The following DGKB variants were observed in gnomAD, a reference collection of about 807,000 sequenced individuals.
The protein encoded by DGKB is diacylglycerol kinase beta, also known as 90 kDa diacylglycerol kinase.
DGKB carries 67 observed loss-of-function variants against 114.3 expected under a neutral mutation model. The ratio of observed to expected loss-of-function variants is 0.59; its 90% CI spans 0.48 to 0.72. The LOEUF is 0.72. Ranked by LOEUF, DGKB falls within the 30% of genes least tolerant of loss-of-function variation. The probability of loss-of-function intolerance (pLI) is 0.00; values close to 1 mark genes in which losing one functional copy is unlikely to be tolerated. For missense variants in DGKB, 907 were observed against 975.2 expected, an observed-to-expected ratio of 0.93 and a Z score of 0.93; for synonymous variants, 398 against 323.1, an observed-to-expected ratio of 1.23 and a Z score of -2.49.
At chr7:14,397,361 T>C (rs1583636422) in intron 21 of DGKB, among the ~76,000 whole-genome samples, 1 of 152,130 alleles carries the variant, frequency 6.6e-6, no homozygotes. Flanking sequence ...TTTAGGAGAA[T>C]AGAAGTACTA....
At chr7:14,689,449 G>C (rs889458278) in intron 9 of DGKB, among the ~76,000 whole-genome samples, 11 of 151,834 alleles carry the variant, frequency 7.2e-5, no homozygotes, top group Non-Finnish European at 1.5e-4. Flanking sequence ...GGGATTACAG[G>C]CGTGAGCCAC....
In DGKB at chr7:14,597,465, G is replaced by A. The variant is rs1053189053; in HGVS notation, c.1433+9969C>T. 8.5e-5 allele frequency among the ~76,000 whole-genome samples: 13 copies of A among 152,082 alleles called. 1 individual carries two copies. Among genetic ancestry groups the A allele is most frequent in the Admixed American group, 8.5e-4 (13 of 15,268 alleles). ...ATAATTTGTATCAATTTTATCAAAT[G>A]TATTATATTCCAAATCCAATTATCT... On this transcript the variant is annotated intron_variant, in intron 17 of 25. Transcript: ENST00000402815.
chr7:14,218,146 T>C (rs1789305831), intron 23 of DGKB, among the ~76,000 whole-genome samples: 1 of 152,070 alleles, frequency 6.6e-6, no homozygotes, highest in Non-Finnish European at 1.5e-5. Context: ...GTTCAGATTA[T>C]GTAAAATTTG....
At chr7:14,251,435 A>AT (rs569728703) in intron 23 of DGKB, among the ~76,000 whole-genome samples, 76 of 152,094 alleles carry the variant, frequency 5.0e-4, no homozygotes, top group African/African-American at 1.8e-3. Context: ...CACTATTTAC[A>AT]TTTTTTATAT....
At chr7:14,339,944 C>CAAACA (rs908070536) in intron 22 of DGKB, among the ~76,000 whole-genome samples, 15 of 151,516 alleles carry the variant, frequency 9.9e-5, no homozygotes, top group Non-Finnish European at 1.6e-4. Context: ...TGATGAAAAA[C>CAAACA]AAACAAAACA....
chr7:14,608,665 C>G (rs1749994962), intron 16 of DGKB, among the ~76,000 whole-genome samples: 1 of 151,980 alleles, frequency 6.6e-6, no homozygotes, highest in African/African-American at 2.4e-5. Flanking sequence ...GATAATGATT[C>G]TATACTCAGA....
At chr7:14,355,876 G>C (rs979211140) in intron 21 of DGKB, among the ~76,000 whole-genome samples, 2 of 152,142 alleles carry the variant, frequency 1.3e-5, no homozygotes, top group East Asian at 3.9e-4. Flanking sequence ...TCGTACCTCT[G>C]GTAGAATTCG....
At chr7:14,670,323 G>C (rs907932859) in intron 13 of DGKB, among the ~76,000 whole-genome samples, 1 of 150,230 alleles carries the variant, frequency 6.7e-6, no homozygotes, top group East Asian at 2.0e-4. Flanking sequence ...TTTTTTTTGA[G>C]ACAGAGTCTC....
intron 13 of DGKB, among the ~76,000 whole-genome samples, chr7:14,668,425 A>G (rs1818411379): frequency 6.6e-6 from 1 of 152,162 alleles, no homozygotes; most frequent in South Asian, 2.1e-4. Context: ...CTCAGAGCAC[A>G]GCTCTGGAGT....
At position 14,335,334 on chromosome 7, in the gene DGKB, A is replaced by G. The variant is rs910946928; in HGVS notation, c.2122+3181T>C. Among the ~76,000 whole-genome samples the G allele has an allele frequency of 2.0e-5, 3 of 152,330 alleles. No homozygotes were observed. In the South Asian group the frequency reaches 6.2e-4, roughly 32 times the overall value. ...AACTTAAAACAAATTAAATCCTTTT[A>G]TTAAATAAAATAATTACCTTTATTA... is the stretch of plus-strand genomic sequence containing the variant. On this transcript the variant is annotated intron_variant, in intron 23 of 25. Transcript: ENST00000402815.
At chr7:14,968,851 A>G (rs186603528) in intron 1 of DGKB, among the ~76,000 whole-genome samples, 73 of 152,290 alleles carry the variant, frequency 4.8e-4, no homozygotes, top group African/African-American at 1.8e-3. Flanking sequence ...TTGACCATAC[A>G]TTTGCATCAT....
intron 20 of DGKB, among the ~76,000 whole-genome samples, chr7:14,506,690 C>T (rs1188939392): frequency 6.6e-6 from 1 of 152,106 alleles, no homozygotes; most frequent in African/African-American, 2.4e-5. Flanking sequence ...CCCTAGAGTC[C>T]CTGCCAGTCC....
At chr7:14,293,922 T>G in intron 23 of DGKB, among the ~76,000 whole-genome samples, 1 of 152,192 alleles carries the variant, frequency 6.6e-6, no homozygotes, top group East Asian at 1.9e-4. Flanking sequence ...ATTGCTGAAA[T>G]AAATTGCTAC....
rs114301582 is a variant in DGKB, at chr7:14,641,065, C to T, written c.1135-10797G>A. ...ACATAGAAGTTCACATATTTGGGAGCTTTTATGCCATAGTTTGTGGCAATT... is the reference window on the plus strand; with the variant it reads ...ACATAGAAGTTCACATATTTGGGAGTTTTTATGCCATAGTTTGTGGCAATT... On this transcript the variant is annotated intron_variant, in intron 13 of 25. Coordinates refer to ENST00000402815, the MANE Select transcript of DGKB (RefSeq NM_001350709.2). 3.3e-5 allele frequency among the ~76,000 whole-genome samples: 5 copies of T among 152,246 alleles called. No individual in the cohort carries two copies. The East Asian group carries it at 7.7e-4, about 23-fold the overall frequency.
intron 1 of DGKB, among the ~76,000 whole-genome samples, chr7:14,924,016 T>G (rs1035954712): frequency 8.3e-6 from 1 of 119,934 alleles, no homozygotes; most frequent in Non-Finnish European, 1.6e-5. Flanking sequence ...CTTTGTCCTA[T>G]TCTCACAATA....
At chr7:14,716,919 G>C (rs145475759) in intron 6 of DGKB, among the ~76,000 whole-genome samples, 19 of 152,098 alleles carry the variant, frequency 1.2e-4, no homozygotes, top group African/African-American at 4.6e-4. Flanking sequence ...CTGCCTATAA[G>C]AAGAGTCTGA....
At chr7:14,313,432 G>T (rs898064335) in intron 23 of DGKB, among the ~76,000 whole-genome samples, 2 of 152,246 alleles carry the variant, frequency 1.3e-5, no homozygotes, top group South Asian at 4.1e-4. Context: ...TGCGCGAGCC[G>T]AAGCAGGGCG....
intron 4 of DGKB, among the ~76,000 whole-genome samples, chr7:14,753,526 A>G (rs1408068415): frequency 6.6e-6 from 1 of 152,208 alleles, no homozygotes; most frequent in East Asian, 1.9e-4. Flanking sequence ...AAAACAAAAC[A>G]AAACAAAGCC....
intron 20 of DGKB, among the ~76,000 whole-genome samples, chr7:14,487,592 T>G (rs1179023197): frequency 6.6e-6 from 1 of 150,412 alleles, no homozygotes; most frequent in Non-Finnish European, 1.5e-5. Flanking sequence ...CCTTTTTTTT[T>G]TTTTTTTTTG....
Sources: gnomAD v4.1 joint callset for allele counts (sites outside exome capture counted in the v4.1 genomes callset) on GRCh38, gnomAD v4.1.1 for gene constraint, MANE v1.5 for transcripts, NCBI Gene and HGNC (gene_info 2026-07-23, HGNC 2026-07-21) for gene names.